Variants in RBM47 observed in about 807,000 individuals in gnomAD.
RBM47 encodes RNA binding motif protein 47.
Under a neutral mutation model 47.1 loss-of-function variants are expected in RBM47, and 21 were observed. The ratio of observed to expected loss-of-function variants is 0.45; its 90% CI spans 0.32 to 0.64. The LOEUF (loss-of-function observed/expected upper bound fraction) is 0.64, where lower values mean the gene tolerates loss of function less well. Among genes scored for constraint, RBM47 ranks in the 30% least tolerant of loss-of-function variants. The pLI, the probability that RBM47 is intolerant of heterozygous loss-of-function variation, is 0.05. For missense variants in RBM47, 708 were observed against 870.9 expected (o/e 0.81, Z 2.35); for synonymous variants, 375 against 361.7 (o/e 1.04, Z -0.42).
intron 1 of RBM47, among the ~76,000 whole-genome samples, chr4:40,570,906 C>T (rs1385250596): frequency 6.6e-6 from 1 of 151,940 alleles, no homozygotes; most frequent in Non-Finnish European, 1.5e-5. Context: ...ACAACACAGA[C>T]ACCTACATAC....
At chr4:40,444,703 C>T (rs1714240578) in intron 3 of RBM47, among the ~76,000 whole-genome samples, 1 of 150,608 alleles carries the variant, frequency 6.6e-6, no homozygotes, top group Non-Finnish European at 1.5e-5. Flanking sequence ...CTCACTCTGT[C>T]ATCCAGGCTG....
intron 2 of RBM47, among the ~76,000 whole-genome samples, chr4:40,486,229 G>A (rs1424829040): frequency 6.6e-6 from 1 of 152,008 alleles, no homozygotes; most frequent in Non-Finnish European, 1.5e-5. Flanking sequence ...AGCATTAAAT[G>A]GAATTTTAAA....
chr4:40,547,908 C>T (rs1729178982), intron 1 of RBM47, among the ~76,000 whole-genome samples: 1 of 152,230 alleles, frequency 6.6e-6, no homozygotes, highest in Admixed American at 6.5e-5. Context: ...AGGCCAGGCC[C>T]TATGCCAGGC....
intron 3 of RBM47, among the ~76,000 whole-genome samples, chr4:40,442,232 C>T (rs1432148865): frequency 6.6e-6 from 1 of 152,138 alleles, no homozygotes; most frequent in Non-Finnish European, 1.5e-5. Context: ...TACAGCCAGA[C>T]ATTGATTAAT....
intron 1 of RBM47, among the ~76,000 whole-genome samples, chr4:40,581,825 C>T (rs1211750339): frequency 2.0e-5 from 3 of 151,718 alleles, no homozygotes; most frequent in African/African-American, 4.9e-5. Context: ...TCACAGAGCT[C>T]GGGAGCCCAG....
intron 1 of RBM47, among the ~76,000 whole-genome samples, chr4:40,583,156 G>A (rs1363494427): frequency 6.6e-6 from 1 of 152,160 alleles, no homozygotes; most frequent in Non-Finnish European, 1.5e-5. Context: ...GCCAAGCACA[G>A]TGGCTCACGC....
chr4:40,566,386 C>T lies in RBM47; in HGVS notation c.-239-21880G>A, dbSNP rs189041351. Among the ~76,000 whole-genome samples, 80 of 152,272 alleles carry T rather than the reference C, an allele frequency of 5.3e-4. 1 individual carries two copies. Among genetic ancestry groups the T allele is most frequent in the Non-Finnish European group, 9.4e-4 (64 of 68,012 alleles). On this transcript the variant is annotated intron_variant, in intron 1 of 6. Transcript: ENST00000295971. ...TGTCTGCTGGGCACAGTGGCTCATG[C>T]CTGTAATCCCAGCACTTTGGGAGGC...
At chr4:40,456,830 C>T (rs1716342252) in intron 3 of RBM47, among the ~76,000 whole-genome samples, 1 of 151,924 alleles carries the variant, frequency 6.6e-6, no homozygotes, top group Non-Finnish European at 1.5e-5. Flanking sequence ...AACTCCTGGG[C>T]TCAAGCAATC....
intron 2 of RBM47, among the ~76,000 whole-genome samples, chr4:40,504,877 A>G (rs1248885150): frequency 6.6e-6 from 1 of 152,236 alleles, no homozygotes; most frequent in African/African-American, 2.4e-5. Context: ...TTATCTGCCA[A>G]TGGCAGATTC....
At chr4:40,475,046 A>G (rs1719409108) in intron 2 of RBM47, among the ~76,000 whole-genome samples, 2 of 152,200 alleles carry the variant, frequency 1.3e-5, no homozygotes, top group South Asian at 4.1e-4. Flanking sequence ...TATAAAATAT[A>G]ACTAAACAAT....
chr4:40,473,711 T>G (rs187810959), intron 2 of RBM47, among the ~76,000 whole-genome samples: 5 of 152,178 alleles, frequency 3.3e-5, no homozygotes, highest in African/African-American at 1.2e-4. Context: ...ACTATCACAC[T>G]TTAGAAAGTT....
chr4:40,513,714 C>CTT (rs1351660143), intron 2 of RBM47, among the ~76,000 whole-genome samples: 3 of 146,178 alleles, frequency 2.1e-5, no homozygotes, highest in Admixed American at 6.9e-5. Flanking sequence ...TTTAAACTGA[C>CTT]TTTTTTTTTT....
chr4:40,573,807 A>AAAAGAAAGAAAGAAAAG (rs1732013594), intron 1 of RBM47, among the ~76,000 whole-genome samples: 2 of 136,758 alleles, frequency 1.5e-5, no homozygotes, highest in Admixed American at 7.5e-5. Flanking sequence ...GAAAGAAAGA[A>AAAAGAAAGAAAGAAAAG]AAAGAAAGAA....
intron 2 of RBM47, among the ~76,000 whole-genome samples, chr4:40,474,844 A>G (rs1719383091): frequency 1.3e-5 from 2 of 152,218 alleles, no homozygotes; most frequent in Non-Finnish European, 2.9e-5. Flanking sequence ...CATTTCTCAC[A>G]TATACATTTT....
chr4:40,531,395 T>C (rs1727373895), intron 2 of RBM47, among the ~76,000 whole-genome samples: 1 of 151,898 alleles, frequency 6.6e-6, no homozygotes, highest in Admixed American at 6.6e-5. Context: ...GGAGCTCCCC[T>C]GGTCCTAGGA....
intron 1 of RBM47, among the ~76,000 whole-genome samples, chr4:40,627,056 C>T (rs1737809202): frequency 6.6e-6 from 1 of 152,180 alleles, no homozygotes; most frequent in African/African-American, 2.4e-5. Context: ...GGGACCAACA[C>T]ACACCTTTTA....
rs937759165 is a variant in RBM47 at position 40,444,938 on chromosome 4, T to C, written c.-31-6014A>G. On this transcript the variant is annotated intron_variant, in intron 3 of 6. Coordinates refer to ENST00000295971, the MANE Select transcript of RBM47 (RefSeq NM_001098634.2). ...CCTCCTAAAGTGCTGGGATTACAGG[T>C]GTGAGCCACTGTGCCCGGCCTTAAA... 6.0e-5 allele frequency among the ~76,000 whole-genome samples: 9 copies of C among 149,826 alleles called. 1 individual carries two copies. The highest frequency in any genetic ancestry group is 6.0e-4 in the Admixed American group (9 of 15,014).
intron 2 of RBM47, among the ~76,000 whole-genome samples, chr4:40,518,769 T>C (rs573829243): frequency 6.6e-6 from 1 of 150,920 alleles, no homozygotes; most frequent in Non-Finnish European, 1.5e-5. Context: ...GGGCCACACA[T>C]AAAATACACT....
intron 4 of RBM47, among the ~76,000 whole-genome samples, chr4:40,437,065 C>A (rs1187353268): frequency 5.2e-5 from 3 of 58,070 alleles, no homozygotes; most frequent in Non-Finnish European, 8.6e-5. Context: ...CATGGTGAGA[C>A]CCTGTCTCAA....
Sources: gnomAD v4.1 joint callset for allele counts (sites outside exome capture counted in the v4.1 genomes callset) on GRCh38, gnomAD v4.1.1 for gene constraint, MANE v1.5 for transcripts, NCBI Gene and HGNC (gene_info 2026-07-23, HGNC 2026-07-21) for gene names.